VPS41: variants seen among roughly 807,000 people sequenced by gnomAD.
VPS41 encodes VPS41 subunit of HOPS complex.
Under a neutral mutation model 130.9 loss-of-function variants are expected in VPS41, and 85 were observed. The observed-to-expected ratio is 0.65, with a 90% CI of 0.55 to 0.78. The LOEUF (loss-of-function observed/expected upper bound fraction) is 0.78, where lower values mean the gene tolerates loss of function less well. Ranked by LOEUF, VPS41 falls within the 30% of genes least tolerant of loss-of-function variation. The probability of loss-of-function intolerance (pLI) is 0.00; values close to 1 mark genes in which losing one functional copy is unlikely to be tolerated. For missense variants in VPS41, 874 were observed against 1,018.7 expected (o/e 0.86, Z 1.93); for synonymous variants, 335 against 332.9 (o/e 1.01, Z -0.07).
chr7:38,817,824 C>T lies in VPS41; in HGVS notation c.443G>A (p.Gly148Glu), dbSNP rs997114574. ...RSSCKQFVTG[G>E]KKLLLFERSW... The stretch of plus-strand genomic sequence containing the variant: ...GAGACACACAGCACTTACCTTCTTC[C>T]CTCCGGTCACAAACTGCTTGCAACT... Residue 148 changes from glycine (G) to glutamate (E), a missense_variant, in exon 7 of 29, where the codon GGG becomes GAG. Physicochemically the swap from Gly to Glu is moderately conservative, Grantham distance 98 (BLOSUM62 -2). Transcript: ENST00000310301. The T allele has an allele frequency of 5.0e-6, 8 of 1,613,962 alleles. No homozygotes were observed. The highest frequency in any genetic ancestry group is 6.8e-6 in the Non-Finnish European group (8 of 1,179,850).
intron 2 of VPS41, among the ~76,000 whole-genome samples, chr7:38,886,107 T>C (rs1201985288): frequency 6.6e-6 from 1 of 152,022 alleles, no homozygotes; most frequent in Non-Finnish European, 1.5e-5. Context: ...GGGTGATTTC[T>C]GCATTTCCAA....
At chr7:38,747,444 A>T (rs1796009797) in intron 22 of VPS41, among the ~76,000 whole-genome samples, 1 of 152,258 alleles carries the variant, frequency 6.6e-6, no homozygotes, top group Admixed American at 6.5e-5. Flanking sequence ...CTGACTAATG[A>T]TAAGCATTTA....
intron 4 of VPS41, among the ~76,000 whole-genome samples, chr7:38,848,686 G>A (rs1052532982): frequency 1.1e-4 from 17 of 152,138 alleles, no homozygotes; most frequent in African/African-American, 4.1e-4. Context: ...AGAAAGTGTG[G>A]TAACACACCA....
chr7:38,764,557 G>A (rs992234155), intron 16 of VPS41, among the ~76,000 whole-genome samples: 16 of 152,240 alleles, frequency 1.1e-4, no homozygotes, highest in African/African-American at 3.4e-4. Context: ...CATTTGCTAT[G>A]GCTCAGGCAA....
intron 1 of VPS41, among the ~76,000 whole-genome samples, chr7:38,905,375 T>C (rs948212908): frequency 4.6e-5 from 7 of 152,208 alleles, no homozygotes; most frequent in African/African-American, 1.2e-4. Flanking sequence ...GGTTAGAAGA[T>C]TTCCAGGCAG....
At chr7:38,788,165 T>C (rs1202995139) in intron 10 of VPS41, among the ~76,000 whole-genome samples, 1 of 152,168 alleles carries the variant, frequency 6.6e-6, no homozygotes, top group African/African-American at 2.4e-5. Context: ...TCCTAAAAGA[T>C]AGATATTATC....
At chr7:38,826,409 G>A (rs1203379930) in intron 5 of VPS41, among the ~76,000 whole-genome samples, 1 of 152,156 alleles carries the variant, frequency 6.6e-6, no homozygotes, top group East Asian at 1.9e-4. Flanking sequence ...CATGCTTTAA[G>A]AAATATCTTA....
intron 2 of VPS41, among the ~76,000 whole-genome samples, chr7:38,889,311 A>G (rs1191304823): frequency 6.6e-6 from 1 of 151,824 alleles, no homozygotes; most frequent in Non-Finnish European, 1.5e-5. Flanking sequence ...AGACAAATAA[A>G]AGAAATTCAT....
At chr7:38,842,828 C>T (rs766150330) in intron 4 of VPS41, among the ~76,000 whole-genome samples, 6 of 152,178 alleles carry the variant, frequency 3.9e-5, no homozygotes, top group Non-Finnish European at 7.3e-5. Context: ...TGTGTGTTCC[C>T]ACATCAGTCT....
intron 2 of VPS41, among the ~76,000 whole-genome samples, chr7:38,890,359 G>C (rs1359642222): frequency 6.6e-6 from 1 of 152,200 alleles, no homozygotes; most frequent in African/African-American, 2.4e-5. Flanking sequence ...GAACAGATTA[G>C]TAGTTGCCAG....
chr7:38,762,275 G>A (rs893627062), intron 17 of VPS41, among the ~76,000 whole-genome samples: 4 of 152,190 alleles, frequency 2.6e-5, no homozygotes, highest in Non-Finnish European at 5.9e-5. Context: ...CAAGGGACCT[G>A]TTATGATTGA....
intron 10 of VPS41, among the ~76,000 whole-genome samples, chr7:38,777,934 T>C (rs910216018): frequency 6.6e-6 from 1 of 152,218 alleles, no homozygotes; most frequent in Admixed American, 6.5e-5. Flanking sequence ...AAATACTGAA[T>C]TTTCCTTTGT....
intron 9 of VPS41, among the ~76,000 whole-genome samples, chr7:38,791,542 G>T (rs1316935332): frequency 3.9e-5 from 6 of 152,104 alleles, no homozygotes. Context: ...ACAGAGCAGG[G>T]GCATCTCCTG....
intron 25 of VPS41, among the ~76,000 whole-genome samples, chr7:38,733,413 T>C (rs949529729): frequency 1.8e-4 from 27 of 152,354 alleles, no homozygotes; most frequent in African/African-American, 5.5e-4. Flanking sequence ...TGTTTCCCCG[T>C]GCCTTTTTCT....
intron 8 of VPS41, among the ~76,000 whole-genome samples, chr7:38,795,828 C>G (rs980184903): frequency 1.3e-5 from 2 of 152,144 alleles, no homozygotes; most frequent in African/African-American, 4.8e-5. Context: ...AGGAGATTTT[C>G]TTAGATGGCA....
chr7:38,855,788 T>C (rs1286001915), intron 4 of VPS41, among the ~76,000 whole-genome samples: 1 of 152,214 alleles, frequency 6.6e-6, no homozygotes, highest in Non-Finnish European at 1.5e-5. Context: ...ACATTACCCA[T>C]AGCAACTAGA....
At chr7:38,790,854 T>C (rs1473598589) in intron 9 of VPS41, among the ~76,000 whole-genome samples, 3 of 152,248 alleles carry the variant, frequency 2.0e-5, no homozygotes, top group Non-Finnish European at 4.4e-5. Context: ...TTTATATCTA[T>C]TGTAAGCAAT....
chr7:38,871,073 G>C (rs1275755729), intron 2 of VPS41, among the ~76,000 whole-genome samples: 1 of 152,052 alleles, frequency 6.6e-6, no homozygotes, highest in Non-Finnish European at 1.5e-5. Context: ...AGAAGGATAA[G>C]GAAAAATGGA....
In VPS41 at chr7:38,754,689, C is replaced by T; in HGVS notation, c.1788+13G>A. ...CAATCAAAAGGGCAAAAGGAGGAGA[C>T]TGCCATGCTCACCACATGCTGTAGC... is the stretch of plus-strand genomic sequence containing the variant. On this transcript the variant is annotated intron_variant, in intron 21 of 28. Transcript: ENST00000310301. The T allele has an allele frequency of 1.2e-6, 2 of 1,611,960 alleles. No individual in the cohort carries two copies. The highest frequency in any genetic ancestry group is 1.1e-5 in the South Asian group (1 of 90,994).
Sources: allele counts gnomAD v4.1 joint callset (sites outside exome capture counted in the v4.1 genomes callset), GRCh38; gene constraint gnomAD v4.1.1; transcripts MANE v1.5; gene names NCBI Gene and HGNC (gene_info 2026-07-23, HGNC 2026-07-21).